CEP78: variants seen among roughly 807,000 people sequenced by gnomAD.
The protein encoded by CEP78 is centrosomal protein 78, also known as centrosomal protein of 78 kDa.
CEP78 carries 76 observed loss-of-function variants against 81.2 expected under a neutral mutation model. The ratio of observed to expected loss-of-function variants is 0.94; its 90% CI spans 0.78 to 1.13. CEP78 has a LOEUF of 1.13. Among genes scored for constraint, CEP78 ranks in the 50% most tolerant of loss-of-function variants. The pLI, the probability that CEP78 is intolerant of heterozygous loss-of-function variation, is 0.00. For synonymous variants in CEP78, 293 were observed against 301.4 expected (o/e 0.97, Z 0.29); for missense variants, 918 against 846.8 (o/e 1.08, Z -1.04).
At chr9:78,245,059 A>G (rs1034565585) in intron 5 of CEP78, among the ~76,000 whole-genome samples, 2 of 152,180 alleles carry the variant, frequency 1.3e-5, no homozygotes, top group Admixed American at 6.5e-5. Context: ...ATTACATCCT[A>G]TGCTCATTCT....
intron 6 of CEP78, among the ~76,000 whole-genome samples, chr9:78,247,656 G>A (rs1826557574): frequency 6.6e-6 from 1 of 152,112 alleles, no homozygotes. Flanking sequence ...AGATGACTTG[G>A]TGTGGAGAAT....
At chr9:78,258,818 C>T (rs901354603) in intron 11 of CEP78, among the ~76,000 whole-genome samples, 2 of 152,182 alleles carry the variant, frequency 1.3e-5, no homozygotes, top group Non-Finnish European at 2.9e-5. Context: ...TGCAACTACA[C>T]TCCTATCAGA....
At chr9:78,270,797 G>T in intron 16 of CEP78, 44 bp from the exon 17 acceptor site, 1 of 662,460 alleles carries the variant, frequency 1.5e-6, no homozygotes, top group East Asian at 2.9e-5. Context: ...CTACATGCTG[G>T]AACATTAACA....
At position 78,272,568 on chromosome 9, in the gene CEP78, A is replaced by G. The variant is rs1374853297; in HGVS notation, c.*1717A>G. On this transcript the variant is annotated 3_prime_UTR_variant, in exon 17 of 17. Coordinates refer to ENST00000643273, the MANE Select transcript of CEP78 (RefSeq NM_001330691.3). ...GAAAGCTTGTCCTAGATATTGTCTT[A>G]TTCATGGGAAGGATACAGGTAGTGT... 6.6e-6 allele frequency: 1 copy of G among 152,234 alleles called. No individual in the cohort carries two copies. Among genetic ancestry groups the G allele is most frequent in the Non-Finnish European group, 1.5e-5 (1 of 68,040 alleles). 9.4% of individuals were successfully genotyped at this position (152,234 alleles called of 1,614,324 possible).
intron 10 of CEP78, 69 bp downstream of exon 10, chr9:78,253,346 C>A: frequency 1.3e-6 from 1 of 783,756 alleles, no homozygotes; most frequent in Admixed American, 2.1e-5. Context: ...ATTCTCTGTG[C>A]TCTTTAAATT....
At chr9:78,241,615 T>C (rs907007446) in intron 3 of CEP78, 81 bp from the exon 4 acceptor site, 8 of 623,000 alleles carry the variant, frequency 1.3e-5, no homozygotes, top group African/African-American at 5.6e-5. Context: ...AGAAAAGATA[T>C]AAGAAGAGCA....
intron 1 of CEP78, among the ~76,000 whole-genome samples, chr9:78,237,689 A>C (rs1253927410): frequency 2.0e-5 from 3 of 152,114 alleles, no homozygotes; most frequent in African/African-American, 7.2e-5. Context: ...GTTTTGGGAA[A>C]CCGCTGTAGG....
chr9:78,266,666 A>C lies in CEP78; in HGVS notation c.2070A>C (p.Arg690Ser). 6.2e-7 allele frequency: 1 copy of C among 1,612,332 alleles called. No individual in the cohort carries two copies. The highest frequency in any genetic ancestry group is 1.1e-5 in the South Asian group (1 of 90,716). ...AAAGAAAAGAAGAGGAGTTGTCCAG[A>C]AATAGCAGATCTTCTTCAGAGAAAA... is the stretch of plus-strand genomic sequence containing the variant. ...GSQRKEEELS[R>S]NSRSSSEKKT... The change falls in exon 16 of 17, where the codon AGA becomes AGC. Residue 690 changes from arginine to serine, a missense_variant. Transcript: ENST00000643273.
chr9:78,270,957 T>G lies in CEP78; in HGVS notation c.*106T>G, dbSNP rs1045875145. The G allele has an allele frequency of 2.0e-5, 12 of 593,538 alleles. No homozygotes were observed. Among genetic ancestry groups the G allele is most frequent in the Non-Finnish European group, 3.2e-5 (11 of 340,480 alleles). 36.8% of individuals were successfully genotyped at this position (593,538 alleles called of 1,614,324 possible). ...AAGAAGCAGATGATTTAAGTACCAG[T>G]TAATTAAAGGATGGAACAGCTAAGC... On this transcript the variant is annotated 3_prime_UTR_variant, in exon 17 of 17. Transcript: ENST00000643273.
At chr9:78,267,014 C>CT in intron 16 of CEP78, 1 of 1,310,596 alleles carries the variant, frequency 7.6e-7, no homozygotes, top group South Asian at 1.4e-5. Flanking sequence ...ATGACTAAAT[C>CT]TTTTGAAACT....
chr9:78,249,640 G>A (rs1043630859), intron 8 of CEP78: 1 of 151,568 alleles, frequency 6.6e-6, no homozygotes, highest in Non-Finnish European at 1.5e-5. Context: ...TAGTTCTACT[G>A]ATATTTTCTT....
intron 8 of CEP78, 35 bp from the exon 9 acceptor site, chr9:78,251,873 A>G (rs773069111): frequency 1.3e-5 from 21 of 1,583,650 alleles, no homozygotes; most frequent in Non-Finnish European, 1.8e-5. Context: ...CCTTTAGTGC[A>G]TCTTGATTCT....
At chr9:78,260,510 A>G (rs373064173) in intron 11 of CEP78, among the ~76,000 whole-genome samples, 16 of 152,208 alleles carry the variant, frequency 1.1e-4, no homozygotes, top group East Asian at 7.8e-4. Context: ...GATCGAGACC[A>G]TCCTGGCTAA....
intron 11 of CEP78, among the ~76,000 whole-genome samples, chr9:78,256,072 A>G (rs1827007682): frequency 6.6e-6 from 1 of 152,238 alleles, no homozygotes; most frequent in South Asian, 2.1e-4. Context: ...AATAATCAAG[A>G]TAATTGAAGA....
chr9:78,258,648 A>T (rs935371257), intron 11 of CEP78, among the ~76,000 whole-genome samples: 1 of 152,234 alleles, frequency 6.6e-6, no homozygotes, highest in Non-Finnish European at 1.5e-5. Flanking sequence ...AAATCCGGTC[A>T]TGTAGTTACC....
At position 78,243,456 on chromosome 9, in the gene CEP78, T is replaced by G. The variant is rs17064247; in HGVS notation, c.604-6T>G. The G allele has an allele frequency of 3.2e-3, 5,214 of 1,608,776 alleles. 132 individuals carry two copies. The African/African-American group carries it at 0.059, about 18-fold the overall frequency. On this transcript the variant is annotated splice_region_variant and splice_polypyrimidine_tract_variant and intron_variant, in intron 4 of 16. Coordinates refer to ENST00000643273, the MANE Select transcript of CEP78 (RefSeq NM_001330691.3). ...GTATTAATTTCATCTTATTAAATCT[T>G]TGAAGTATCAGACCATGAGAAGGCA...
chr9:78,263,660 A>G (rs2118455387), intron 12 of CEP78, among the ~76,000 whole-genome samples: 1 of 152,282 alleles, frequency 6.6e-6, no homozygotes, highest in African/African-American at 2.4e-5. Context: ...GTATTAGATA[A>G]ATAGATTTGG....
chr9:78,260,280 C>T (rs1827214231), intron 11 of CEP78, among the ~76,000 whole-genome samples: 1 of 152,152 alleles, frequency 6.6e-6, no homozygotes, highest in Admixed American at 6.5e-5. Context: ...TATGGGAGAA[C>T]AAAACCTTCA....
intron 10 of CEP78, 78 bp from the exon 11 acceptor site, chr9:78,254,758 A>G (rs1293825825): frequency 3.4e-6 from 4 of 1,184,746 alleles, no homozygotes; most frequent in African/African-American, 1.5e-5. Context: ...CACTTCAGAA[A>G]GATCACTTTG....
Sources: gnomAD v4.1 joint callset for allele counts (sites outside exome capture counted in the v4.1 genomes callset) on GRCh38, gnomAD v4.1.1 for gene constraint, MANE v1.5 for transcripts, NCBI Gene and HGNC (gene_info 2026-07-23, HGNC 2026-07-21) for gene names.